The following ZBTB16 variants were observed in gnomAD, a reference collection of about 807,000 sequenced individuals.
The protein encoded by ZBTB16 is zinc finger and BTB domain-containing protein 16.
In ZBTB16, 8 loss-of-function variants were observed where a neutral mutation model predicts 56.8. That is an observed-to-expected ratio of 0.14 (90% CI 0.08 to 0.25). The LOEUF (loss-of-function observed/expected upper bound fraction) is 0.25. Ranked by LOEUF, ZBTB16 falls within the 10% of genes least tolerant of loss-of-function variation. The pLI is 1.00. For synonymous variants in ZBTB16, 363 were observed against 368.5 expected, an observed-to-expected ratio of 0.98 and a Z score of 0.17; for missense variants, 625 against 903.0, an observed-to-expected ratio of 0.69 and a Z score of 3.95.
At chr11:114,194,942 A>G (rs1259130618) in intron 4 of ZBTB16, among the ~76,000 whole-genome samples, 2 of 152,262 alleles carry the variant, frequency 1.3e-5, no homozygotes, top group Non-Finnish European at 2.9e-5. Flanking sequence ...ATGACCGATC[A>G]GTAATATAAA....
intron 4 of ZBTB16, among the ~76,000 whole-genome samples, chr11:114,205,090 C>G (rs897612629): frequency 6.6e-6 from 1 of 152,160 alleles, no homozygotes. Flanking sequence ...TGAGCCCCAA[C>G]CAGGCATTAG....
At position 114,063,272 on chromosome 11, in the gene ZBTB16, A is replaced by G. The variant is rs1938955161; in HGVS notation, c.-29A>G. On this transcript the variant is annotated 5_prime_UTR_variant, in exon 2 of 7. Coordinates refer to ENST00000335953, the MANE Select transcript of ZBTB16 (RefSeq NM_006006.6). The surrounding 1 kb of genome is among the most constrained non-coding windows in gnomAD (Gnocchi z 6.5). The stretch of plus-strand genomic sequence containing the variant: ...CCACGCAGAGCCCAGAAGGAAAGAA[A>G]GCCTCATGCCTGAGCCGAGGGGAGC... 1 of 1,612,008 alleles carries G rather than the reference A, an allele frequency of 6.2e-7. No individual in the cohort carries two copies.
At chr11:114,203,549 C>A (rs1943782714) in intron 4 of ZBTB16, among the ~76,000 whole-genome samples, 1 of 151,802 alleles carries the variant, frequency 6.6e-6, no homozygotes, top group Non-Finnish European at 1.5e-5. Flanking sequence ...CAAGACCCTG[C>A]CTGTTAAAAA....
chr11:114,171,556 T>C (rs7105381), intron 3 of ZBTB16, among the ~76,000 whole-genome samples: 2,374 of 152,252 alleles, frequency 0.016, 41 homozygotes, highest in African/African-American at 0.05. Context: ...TAACTGTGCT[T>C]CCCGATATAG....
chr11:114,080,840 G>T (rs1939732362), intron 2 of ZBTB16, among the ~76,000 whole-genome samples: 1 of 152,232 alleles, frequency 6.6e-6, no homozygotes, highest in Non-Finnish European at 1.5e-5. Flanking sequence ...AGCACAGAGA[G>T]GTTGTCTAAG....
chr11:114,210,706 TGGAA>T (rs1210945527), intron 4 of ZBTB16: 1 of 219,664 alleles, frequency 4.6e-6, no homozygotes, highest in Admixed American at 5.8e-5. Flanking sequence ...AGCAAAATTT[TGGAA>T]GGCCATCATT....
chr11:114,067,061 C>T (rs766336994), intron 2 of ZBTB16, among the ~76,000 whole-genome samples: 13 of 152,046 alleles, frequency 8.6e-5, no homozygotes, highest in African/African-American at 1.4e-4. Context: ...TGAGCCACCC[C>T]GCCCGGCCTT....
chr11:114,221,924 A>C (rs1944238627), intron 4 of ZBTB16, among the ~76,000 whole-genome samples: 1 of 152,174 alleles, frequency 6.6e-6, no homozygotes, highest in African/African-American at 2.4e-5. Flanking sequence ...TGGAAGAACA[A>C]AGGAGGAATA....
At position 114,126,353 on chromosome 11, in the gene ZBTB16, T is replaced by C. The variant is rs1941507297; in HGVS notation, c.1269-29984T>C. Among the ~76,000 whole-genome samples the C allele has an allele frequency of 1.3e-5, 2 of 152,196 alleles. 1 individual carries two copies. The highest frequency in any genetic ancestry group is 4.1e-4 in the South Asian group (2 of 4,824). On this transcript the variant is annotated intron_variant, in intron 2 of 6. Transcript: ENST00000335953. The stretch of plus-strand genomic sequence containing the variant: ...TCTCTGTTTCATTATCCATGCAGTT[T>C]TCCTGGCAGCTGTCCATTCCGGCCT...
intron 4 of ZBTB16, among the ~76,000 whole-genome samples, chr11:114,223,814 G>A (rs1279702056): frequency 6.6e-6 from 1 of 152,168 alleles, no homozygotes; most frequent in Admixed American, 6.5e-5. Flanking sequence ...CATCTAAGCT[G>A]TCATCTGAAG....
At chr11:114,163,279 T>A (rs1398109181) in intron 3 of ZBTB16, among the ~76,000 whole-genome samples, 1 of 150,966 alleles carries the variant, frequency 6.6e-6, no homozygotes, top group Non-Finnish European at 1.5e-5. Context: ...TTTTGCTTTT[T>A]AGCTCCTGTT....
chr11:114,089,500 C>G (rs974981756), intron 2 of ZBTB16, among the ~76,000 whole-genome samples: 2 of 152,102 alleles, frequency 1.3e-5, no homozygotes, highest in Non-Finnish European at 2.9e-5. Flanking sequence ...GGTAGCACAG[C>G]GCAATGATCC....
rs914421046 is a variant in ZBTB16, at chr11:114,254,991, G to T, written c.*4436G>T. On this transcript the variant is annotated 3_prime_UTR_variant, in exon 7 of 7. Coordinates refer to ENST00000335953, the MANE Select transcript of ZBTB16 (RefSeq NM_006006.6). ...CTTGGCATCCAACTTCGCAGACAGG[G>T]TACCAGCCTCCTGGTGTGTATCATA... is the stretch of plus-strand genomic sequence containing the variant. Among the ~76,000 whole-genome samples the T allele has an allele frequency of 2.0e-5, 3 of 152,184 alleles. No homozygotes were observed. Among genetic ancestry groups the T allele is most frequent in the Non-Finnish European group, 4.4e-5 (3 of 68,032 alleles).
intron 2 of ZBTB16, among the ~76,000 whole-genome samples, chr11:114,118,818 CTG>C (rs1340883287): frequency 1.3e-5 from 2 of 152,162 alleles, no homozygotes; most frequent in African/African-American, 4.8e-5. Context: ...GGTTGCGTCT[CTG>C]TGATGAGACA....
intron 3 of ZBTB16, among the ~76,000 whole-genome samples, chr11:114,168,032 G>A (rs932701379): frequency 6.6e-6 from 1 of 152,178 alleles, no homozygotes; most frequent in Non-Finnish European, 1.5e-5. Context: ...CCCCTCTTAT[G>A]GCACCTGTCA....
chr11:114,064,599 T>C lies in ZBTB16; in HGVS notation c.1268+31T>C, dbSNP rs1939043676. On this transcript the variant is annotated intron_variant, in intron 2 of 6. Coordinates refer to ENST00000335953, the MANE Select transcript of ZBTB16 (RefSeq NM_006006.6). The surrounding 1 kb of genome is among the most constrained non-coding windows in gnomAD (Gnocchi z 4.2). ...CCCCGCTCCAGCCCCGCACCTGATGTAGGACTTGAGGCCCTCACACCCCTC... is the reference window on the plus strand; with the variant it reads ...CCCCGCTCCAGCCCCGCACCTGATGCAGGACTTGAGGCCCTCACACCCCTC... The C allele has an allele frequency of 1.2e-6, 2 of 1,611,324 alleles. No individual in the cohort carries two copies. Among genetic ancestry groups the C allele is most frequent in the African/African-American group, 1.3e-5 (1 of 74,888 alleles).
chr11:114,188,490 A>G (rs565968075), intron 4 of ZBTB16: 1 of 152,324 alleles, frequency 6.6e-6, no homozygotes, highest in East Asian at 1.9e-4. Context: ...ATTAGTGTCT[A>G]CCTCATAGCA....
At chr11:114,183,849 G>T (rs542093075) in intron 3 of ZBTB16, among the ~76,000 whole-genome samples, 1 of 152,322 alleles carries the variant, frequency 6.6e-6, no homozygotes, top group African/African-American at 2.4e-5. Context: ...GGTAGTCTTG[G>T]CTGCTACCCC....
chr11:114,222,979 G>C (rs1944260761), intron 4 of ZBTB16, among the ~76,000 whole-genome samples: 1 of 152,178 alleles, frequency 6.6e-6, no homozygotes, highest in African/African-American at 2.4e-5. Flanking sequence ...GCCTGCCCTG[G>C]TCTTGGAGGA....
Sources: gnomAD v4.1 joint callset for allele counts (sites outside exome capture counted in the v4.1 genomes callset) on GRCh38, gnomAD v4.1.1 for gene constraint, Gnocchi (gnomAD v3.1) non-coding constraint, MANE v1.5 for transcripts, NCBI Gene and HGNC (gene_info 2026-07-23, HGNC 2026-07-21) for gene names.